The following RAPGEF2 variants were observed in gnomAD, a reference collection of about 807,000 sequenced individuals.
RAPGEF2 encodes PDZ domain containing guanine nucleotide exchange factor (GEF) 1.
In RAPGEF2, 54 loss-of-function variants were observed where a neutral mutation model predicts 186.7. The observed-to-expected ratio is 0.29, with a 90% CI of 0.23 to 0.36. The LOEUF is 0.36. RAPGEF2 is among the 10% of genes least tolerant of loss of function. The pLI is 1.00. For missense variants in RAPGEF2, 1,532 were observed against 2,045.0 expected (o/e 0.75, Z 4.84); for synonymous variants, 712 against 705.9 (o/e 1.01, Z -0.14).
At chr4:159,348,598 G>T (rs1472507119) in intron 25 of RAPGEF2, among the ~76,000 whole-genome samples, 2 of 152,098 alleles carry the variant, frequency 1.3e-5, no homozygotes, top group Non-Finnish European at 2.9e-5. Context: ...TTTTGAATAT[G>T]CATGCATTCC....
chr4:159,271,589 G>A (rs1758141885), intron 7 of RAPGEF2, among the ~76,000 whole-genome samples: 1 of 152,102 alleles, frequency 6.6e-6, no homozygotes, highest in Admixed American at 6.5e-5. Context: ...AAGTGGTAGA[G>A]CCATCATTGG....
At chr4:159,337,097 A>AAT (rs1561304832) in intron 17 of RAPGEF2, among the ~76,000 whole-genome samples, 2 of 152,234 alleles carry the variant, frequency 1.3e-5, no homozygotes, top group South Asian at 4.1e-4. Context: ...GCTTTTTATA[A>AAT]ATGGAAATGA....
rs545505539 is a variant in RAPGEF2 at position 159,107,142 on chromosome 4, T to C, written c.69+2911T>C. Reference sequence around the variant, plus strand: ...TGGCTGAGTTCTAGTCAATGGGGCATTGTATTCTAAATAACAAACTTCCTT... The same window carrying C: ...TGGCTGAGTTCTAGTCAATGGGGCACTGTATTCTAAATAACAAACTTCCTT... On this transcript the variant is annotated intron_variant, in intron 1 of 29. Coordinates refer to ENST00000691494, the MANE Select transcript of RAPGEF2 (RefSeq NM_001394067.2). 2.0e-5 allele frequency among the ~76,000 whole-genome samples: 3 copies of C among 152,288 alleles called. No homozygotes were observed. In the East Asian group the frequency reaches 5.8e-4, roughly 29 times the overall value.
chr4:159,354,185 T>C, intron 28 of RAPGEF2, 139 bp downstream of exon 28: 1 of 966,936 alleles, frequency 1.0e-6, no homozygotes, highest in Non-Finnish European at 1.5e-6. Flanking sequence ...ATTAGTGGTG[T>C]GTTAAGGTCT....
intron 3 of RAPGEF2, among the ~76,000 whole-genome samples, chr4:159,203,453 G>A (rs557513937): frequency 1.3e-5 from 2 of 152,284 alleles, no homozygotes; most frequent in South Asian, 4.1e-4. Flanking sequence ...CCTGCGTCAC[G>A]TGAGCATGTA....
chr4:159,301,240 G>A (rs1762633394), intron 7 of RAPGEF2, among the ~76,000 whole-genome samples: 1 of 152,002 alleles, frequency 6.6e-6, no homozygotes, highest in African/African-American at 2.4e-5. Context: ...GGGGTCGTGG[G>A]CGCCTGTAAT....
At chr4:159,169,585 C>T (rs768952048) in intron 1 of RAPGEF2, among the ~76,000 whole-genome samples, 22 of 151,942 alleles carry the variant, frequency 1.4e-4, no homozygotes, top group Non-Finnish European at 2.2e-4. Context: ...CCCCAACAGC[C>T]CCCCCTCCCC....
At chr4:159,172,381 CT>C (rs1745998503) in intron 1 of RAPGEF2, among the ~76,000 whole-genome samples, 2 of 152,152 alleles carry the variant, frequency 1.3e-5, no homozygotes, top group Non-Finnish European at 2.9e-5. Context: ...GTTCTCCTAC[CT>C]TCCCTATTCA....
chr4:159,156,106 T>G (rs1744090123), intron 1 of RAPGEF2, among the ~76,000 whole-genome samples: 1 of 152,226 alleles, frequency 6.6e-6, no homozygotes, highest in Admixed American at 6.5e-5. Context: ...ATTCCAGTGC[T>G]TCAGGTTCTT....
Position 159,304,461 on chromosome 4 carries a change from T to G in RAPGEF2, c.663T>G (p.Ser221=). 2 of 1,605,498 alleles carry G rather than the reference T, an allele frequency of 1.2e-6. No homozygotes were observed. The highest frequency in any genetic ancestry group is 1.7e-6 in the Non-Finnish European group (2 of 1,173,034). The part of the protein sequence containing the change: ...ITSDSGSSSL[S]DIYQATESEA... ...GTGATTCTGGGAGCAGCAGTCTTTC[T>G]GATATCTACCAGGTAAGAGGATGTT... Residue 221 remains serine (S), a synonymous_variant, in exon 8 of 30, where the codon TCT becomes TCG. Coordinates refer to ENST00000691494, the MANE Select transcript of RAPGEF2 (RefSeq NM_001394067.2).
intron 4 of RAPGEF2, among the ~76,000 whole-genome samples, chr4:159,214,509 A>T (rs1351813283): frequency 6.6e-6 from 1 of 152,208 alleles, no homozygotes; most frequent in Non-Finnish European, 1.5e-5. Context: ...CATTGCCCCT[A>T]ATTACCCTAA....
intron 7 of RAPGEF2, among the ~76,000 whole-genome samples, chr4:159,260,997 G>T (rs1285675833): frequency 6.6e-6 from 1 of 152,024 alleles, no homozygotes; most frequent in South Asian, 2.1e-4. Flanking sequence ...TGATTCTTCC[G>T]CCTCGCCTTG....
intron 26 of RAPGEF2, chr4:159,351,106 T>G: frequency 6.5e-7 from 1 of 1,535,208 alleles, no homozygotes; most frequent in Admixed American, 2.0e-5. Context: ...GCAGTTGGAC[T>G]TAACCAGTTC....
intron 3 of RAPGEF2, among the ~76,000 whole-genome samples, chr4:159,194,430 A>G (rs566137049): frequency 3.6e-4 from 55 of 152,310 alleles, no homozygotes; most frequent in African/African-American, 1.3e-3. Context: ...TATTTGACAC[A>G]GTGGTATCAC....
At chr4:159,141,701 G>C (rs374835683) in intron 1 of RAPGEF2, among the ~76,000 whole-genome samples, 1 of 152,100 alleles carries the variant, frequency 6.6e-6, no homozygotes, top group African/African-American at 2.4e-5. Flanking sequence ...CCATGCCAGC[G>C]ATGGATTTTC....
rs576587585 is a variant in RAPGEF2, at chr4:159,263,438, T to A, written c.543+19647T>A. On this transcript the variant is annotated intron_variant, in intron 7 of 29. Transcript: ENST00000691494. Reference sequence around the variant, plus strand: ...ACACTAAAAATCCAGTTTGTAAAATTTGTTGTTTTCTCGTATCAAAGAATG... The same window carrying A: ...ACACTAAAAATCCAGTTTGTAAAATATGTTGTTTTCTCGTATCAAAGAATG... 7.0e-4 allele frequency among the ~76,000 whole-genome samples: 106 copies of A among 152,252 alleles called. 2 individuals are homozygous for A. Among genetic ancestry groups the A allele is most frequent in the Non-Finnish European group, 1.2e-3 (81 of 68,000 alleles).
chr4:159,193,285 GTATC>G, intron 3 of RAPGEF2, 29 bp downstream of exon 3: 1 of 1,408,996 alleles, frequency 7.1e-7, no homozygotes, highest in Admixed American at 2.4e-5. Context: ...TTTGTACAAT[GTATC>G]TAATCCAGTG....
chr4:159,305,264 T>C (rs1331246397), intron 8 of RAPGEF2, among the ~76,000 whole-genome samples: 1 of 152,180 alleles, frequency 6.6e-6, no homozygotes, highest in African/African-American at 2.4e-5. Flanking sequence ...ATACTGTTTT[T>C]CATCAAGAGA....
At chr4:159,302,148 T>C in intron 7 of RAPGEF2, among the ~76,000 whole-genome samples, 1 of 152,312 alleles carries the variant, frequency 6.6e-6, no homozygotes. Context: ...ATGAATAGAT[T>C]GTGGTATCTA....
Sources: gnomAD v4.1 joint callset for allele counts (sites outside exome capture counted in the v4.1 genomes callset) on GRCh38, gnomAD v4.1.1 for gene constraint, MANE v1.5 for transcripts, NCBI Gene and HGNC (gene_info 2026-07-23, HGNC 2026-07-21) for gene names.